KIF13B: variants seen among roughly 807,000 people sequenced by gnomAD.
KIF13B encodes kinesin-like protein KIF13B.
In KIF13B, 127 loss-of-function variants were observed where a neutral mutation model predicts 222.0. The observed-to-expected ratio is 0.57, with a 90% CI of 0.50 to 0.66. KIF13B has a LOEUF of 0.66. Among genes scored for constraint, KIF13B ranks in the 30% least tolerant of loss-of-function variants. KIF13B has a pLI of 0.00. For synonymous variants in KIF13B, 976 were observed against 919.0 expected, an observed-to-expected ratio of 1.06 and a Z score of -1.12; for missense variants, 2,173 against 2,379.0, an observed-to-expected ratio of 0.91 and a Z score of 1.80.
At chr8:29,212,462 T>C (rs1392752754) in intron 2 of KIF13B, among the ~76,000 whole-genome samples, 1 of 152,182 alleles carries the variant, frequency 6.6e-6, no homozygotes, top group East Asian at 1.9e-4. Flanking sequence ...CCAATGATGC[T>C]GAGAATCTTC....
In KIF13B at chr8:29,072,092, C is replaced by G; in HGVS notation, c.4746G>C (p.Leu1582=). The change falls in exon 39 of 40, where the codon CTG becomes CTC. Residue 1582 remains leucine (L), a synonymous_variant. Transcript: ENST00000524189. ...GGGCCGCAGCGTCCAGGCCGGGGCC[C>G]AGGGCGTCCGACAGGGTCGCGGTGG... The part of the protein sequence containing the change: ...SVSTATLSDA[L]GPGLDAAAPP... The G allele has an allele frequency of 7.4e-7, 1 of 1,348,232 alleles. No individual in the cohort carries two copies. The highest frequency in any genetic ancestry group is 9.5e-7 in the Non-Finnish European group (1 of 1,047,568). 83.5% of individuals were successfully genotyped at this position (1,348,232 alleles called of 1,614,324 possible). A position where few individuals can be genotyped will look rare whatever the true frequency, so the allele number is the denominator to read the frequency against.
intron 24 of KIF13B, among the ~76,000 whole-genome samples, chr8:29,127,681 A>T (rs1048385188): frequency 6.6e-6 from 1 of 152,236 alleles, no homozygotes; most frequent in African/African-American, 2.4e-5. Flanking sequence ...TTTACGAAAC[A>T]ATTTCATACA....
At chr8:29,233,138 AGAGT>A (rs1815362517) in intron 2 of KIF13B, among the ~76,000 whole-genome samples, 1 of 152,190 alleles carries the variant, frequency 6.6e-6, no homozygotes, top group African/African-American at 2.4e-5. Context: ...CCCGGGTGAC[AGAGT>A]GAGACTCCAT....
chr8:29,134,340 C>T (rs1201195426), intron 21 of KIF13B, 130 bp from the exon 22 acceptor site: 17 of 768,016 alleles, frequency 2.2e-5, no homozygotes, highest in Non-Finnish European at 3.4e-5. Context: ...AAATCCCATT[C>T]ACCCTGAGAC....
chr8:29,097,789 C>A (rs1254139671), intron 36 of KIF13B, among the ~76,000 whole-genome samples: 2 of 151,974 alleles, frequency 1.3e-5, no homozygotes, highest in African/African-American at 4.8e-5. Flanking sequence ...ATAAACCTGT[C>A]AGAAAAGTAT....
At chr8:29,156,688 T>A (rs985512477) in intron 13 of KIF13B, among the ~76,000 whole-genome samples, 6 of 151,044 alleles carry the variant, frequency 4.0e-5, no homozygotes, top group African/African-American at 1.2e-4. Flanking sequence ...AATTTTTTTT[T>A]TTTTTTTTTT....
At chr8:29,174,979 T>TA (rs1306894832) in intron 10 of KIF13B, among the ~76,000 whole-genome samples, 1 of 152,168 alleles carries the variant, frequency 6.6e-6, no homozygotes, top group African/African-American at 2.4e-5. Flanking sequence ...TCTACTAAGC[T>TA]ACTGGGGCGG....
At chr8:29,206,470 C>G (rs1813946033) in intron 2 of KIF13B, among the ~76,000 whole-genome samples, 1 of 150,350 alleles carries the variant, frequency 6.7e-6, no homozygotes, top group Non-Finnish European at 1.5e-5. Flanking sequence ...ATTTCCTTAA[C>G]TTCCTTGAGT....
chr8:29,110,219 T>C, intron 32 of KIF13B, 149 bp from the exon 33 acceptor site: 1 of 686,114 alleles, frequency 1.5e-6, no homozygotes, highest in Admixed American at 2.8e-5. Context: ...AAGGAAATAA[T>C]GAAAAGGTGA....
chr8:29,158,954 C>T (rs1482502734), intron 13 of KIF13B, among the ~76,000 whole-genome samples: 3 of 152,158 alleles, frequency 2.0e-5, no homozygotes, highest in Non-Finnish European at 2.9e-5. Context: ...ATTTGAACTA[C>T]AGTACAATGC....
chr8:29,222,513 GACTTTTTTTTTTTTTTTTTTTTTTTT>G (rs1392102898), intron 2 of KIF13B, among the ~76,000 whole-genome samples: 79 of 95,730 alleles, frequency 8.3e-4, no homozygotes, highest in Non-Finnish European at 3.5e-4. Flanking sequence ...TCCCACACCT[GACTTTTTTTTTTTTTTTTTTTTTTTT>G]TTTTTTTTTT....
Position 29,126,489 on chromosome 8 carries a change from C to T in KIF13B, c.3245G>A (p.Ser1082Asn). Residue 1082 changes from serine (S) to asparagine (N), a missense_variant, in exon 26 of 40, where the codon AGC becomes AAC. By Grantham distance (46) the Ser-to-Asn change is conservative. This residue lies in a region of KIF13B where 1,480 missense variants were observed against 1,722.8 expected (regional missense o/e 0.86). Transcript: ENST00000524189. ...TAACAGGTGCTAAATTACCTGGTAG[C>T]TGTCCATGTCTTCCTCTTCCTCCTA... Reference protein sequence around the residue: ...TFHEEEEDMDSYQDRDLERLR... With the variant: ...TFHEEEEDMDNYQDRDLERLR... The T allele has an allele frequency of 6.5e-7, 1 of 1,538,648 alleles. No homozygotes were observed. The highest frequency in any genetic ancestry group is 8.9e-7 in the Non-Finnish European group (1 of 1,120,204).
intron 1 of KIF13B, among the ~76,000 whole-genome samples, chr8:29,254,267 T>C (rs1816389268): frequency 6.6e-6 from 1 of 152,202 alleles, no homozygotes; most frequent in African/African-American, 2.4e-5. Context: ...CACATGATGT[T>C]AGATAATGGT....
chr8:29,111,439 TTTTTA>T (rs1369527595), intron 32 of KIF13B, among the ~76,000 whole-genome samples: 1 of 152,250 alleles, frequency 6.6e-6, no homozygotes, highest in Admixed American at 6.5e-5. Flanking sequence ...TTAAGGGATC[TTTTTA>T]TTTTGTTTTT....
rs1811066102 is a variant in KIF13B, at chr8:29,146,521, T to TC, written c.2043_2044insG (p.Ser682GlufsTer11). On this transcript the variant is annotated frameshift_variant, in exon 18 of 40. Transcript: ENST00000524189. LOFTEE classifies it high-confidence loss of function. ...ATTTGTTCCCTCAGCCTCATCAGGCTGTTATTCAACGTTGCTTCTCTAAAA... is the reference window on the plus strand; with the variant it reads ...ATTTGTTCCCTCAGCCTCATCAGGCTCGTTATTCAACGTTGCTTCTCTAAAA... 6.2e-7 allele frequency: 1 copy of TC among 1,613,770 alleles called. No individual in the cohort carries two copies. The highest frequency in any genetic ancestry group is 1.1e-5 in the South Asian group (1 of 91,054).
In KIF13B at chr8:29,187,101, C is replaced by T. The variant is rs1177304691; in HGVS notation, c.317-629G>A. Among the ~76,000 whole-genome samples, 6 of 152,046 alleles carry T rather than the reference C, an allele frequency of 3.9e-5. 1 individual carries two copies. The East Asian group carries it at 9.6e-4, about 24-fold the overall frequency. Reference sequence around the variant, plus strand: ...AGCTGAAAGAGCCATATAATTAATACTATAGTGCCTGCTCCCAACCAGTGA... The same window carrying T: ...AGCTGAAAGAGCCATATAATTAATATTATAGTGCCTGCTCCCAACCAGTGA... On this transcript the variant is annotated intron_variant, in intron 5 of 39. Coordinates refer to ENST00000524189, the MANE Select transcript of KIF13B (RefSeq NM_015254.4).
At chr8:29,167,667 G>T (rs1812066858) in intron 10 of KIF13B, 82 bp from the exon 11 acceptor site, 3 of 1,181,268 alleles carry the variant, frequency 2.5e-6, no homozygotes, top group Non-Finnish European at 3.7e-6. Context: ...CAAAAATGGT[G>T]AACAAATTTC....
At chr8:29,085,705 C>CTTT (rs71222589) in intron 37 of KIF13B, among the ~76,000 whole-genome samples, 583 of 48,718 alleles carry the variant, frequency 0.012, 39 homozygotes, top group African/African-American at 0.043. Flanking sequence ...AAATACTCTT[C>CTTT]TTTTTTTTTT....
intron 20 of KIF13B, 95 bp from the exon 21 acceptor site, chr8:29,140,286 T>TTAA: frequency 6.5e-7 from 1 of 1,530,770 alleles, no homozygotes; most frequent in Non-Finnish European, 8.8e-7. Context: ...AGTTGTCAGG[T>TTAA]TAATGGTGTA....
Sources: allele counts gnomAD v4.1 joint callset (sites outside exome capture counted in the v4.1 genomes callset), GRCh38; gene constraint gnomAD v4.1.1; regional missense constraint gnomAD v4.1.1; transcripts MANE v1.5; gene names NCBI Gene and HGNC (gene_info 2026-07-23, HGNC 2026-07-21).